The following IFT52 variants were observed in gnomAD, a reference collection of about 807,000 sequenced individuals.
The protein encoded by IFT52 is intraflagellar transport protein 52 homolog.
IFT52 carries 44 observed loss-of-function variants against 54.4 expected under a neutral mutation model. The observed-to-expected ratio is 0.81, with a 90% confidence interval of 0.63 to 1.04. The LOEUF is 1.04. IFT52 is among the 50% of genes least tolerant of loss of function. The pLI is 0.00. For synonymous variants in IFT52, 181 were observed against 185.3 expected, an observed-to-expected ratio of 0.98 and a Z score of 0.19; for missense variants, 452 against 523.6, an observed-to-expected ratio of 0.86 and a Z score of 1.33.
Position 43,636,026 on chromosome 20 carries a change from G to A in IFT52, c.1011+13G>A. 1.9e-6 allele frequency: 3 copies of A among 1,613,206 alleles called. No individual in the cohort carries two copies. The highest frequency in any genetic ancestry group is 1.7e-5 in the Admixed American group (1 of 60,014). ...CCTTCAGCCTGCGGTGAGTAGGTGTGCTTGGGAGATCCCACTGCAGAGCCC... is the reference window on the plus strand; with the variant it reads ...CCTTCAGCCTGCGGTGAGTAGGTGTACTTGGGAGATCCCACTGCAGAGCCC... On this transcript the variant is annotated intron_variant, in intron 11 of 13. Coordinates refer to ENST00000373030, the MANE Select transcript of IFT52 (RefSeq NM_016004.5).
chr20:43,604,519 T>C (rs766267723), intron 5 of IFT52, among the ~76,000 whole-genome samples: 2 of 152,078 alleles, frequency 1.3e-5, no homozygotes, highest in Non-Finnish European at 2.9e-5. Flanking sequence ...GAGGTTGCAT[T>C]GAGCTGAGAT....
intron 10 of IFT52, among the ~76,000 whole-genome samples, chr20:43,632,186 A>G (rs1985219031): frequency 6.6e-6 from 1 of 152,002 alleles, no homozygotes; most frequent in South Asian, 2.1e-4. Context: ...CGGCATCCCA[A>G]AGTGCTGGGA....
At chr20:43,594,353 C>T (rs994476952) in intron 1 of IFT52, among the ~76,000 whole-genome samples, 2 of 151,984 alleles carry the variant, frequency 1.3e-5, no homozygotes, top group African/African-American at 2.4e-5. Context: ...CTGCGCTTAA[C>T]AGTAGTTAGC....
At chr20:43,620,791 A>T in intron 8 of IFT52, 66 bp from the exon 9 acceptor site, 1 of 1,099,604 alleles carries the variant, frequency 9.1e-7, no homozygotes, top group Non-Finnish European at 1.4e-6. Flanking sequence ...TTAATTCTCT[A>T]GTCCTGACCT....
At chr20:43,604,724 T>G (rs1982721945) in intron 5 of IFT52, among the ~76,000 whole-genome samples, 1 of 152,178 alleles carries the variant, frequency 6.6e-6, no homozygotes, top group South Asian at 2.1e-4. Flanking sequence ...TTTTACTATA[T>G]TACTACTACT....
At chr20:43,609,955 A>AT (rs1157283841) in intron 6 of IFT52, among the ~76,000 whole-genome samples, 1 of 151,144 alleles carries the variant, frequency 6.6e-6, no homozygotes, top group African/African-American at 2.4e-5. Context: ...TCTTGAAAAA[A>AT]TAAAATAAAA....
At chr20:43,641,050 A>G (rs1481079247) in intron 12 of IFT52, among the ~76,000 whole-genome samples, 1 of 116,350 alleles carries the variant, frequency 8.6e-6, no homozygotes, top group Non-Finnish European at 1.9e-5. Context: ...AAAAAAAAAA[A>G]AAAAGGAAGA....
chr20:43,596,586 C>A, intron 3 of IFT52, 64 bp downstream of exon 3: 1 of 1,092,560 alleles, frequency 9.2e-7, no homozygotes. Context: ...TTTGAAATAC[C>A]GGATTTGAAT....
intron 3 of IFT52, among the ~76,000 whole-genome samples, chr20:43,597,239 C>T (rs779525046): frequency 5.9e-5 from 9 of 151,436 alleles, no homozygotes; most frequent in Non-Finnish European, 7.4e-5. Context: ...GGCGTGGTGG[C>T]GCATTCCTGT....
At chr20:43,627,618 G>A (rs1487473978) in intron 10 of IFT52, among the ~76,000 whole-genome samples, 1 of 152,202 alleles carries the variant, frequency 6.6e-6, no homozygotes, top group Non-Finnish European at 1.5e-5. Context: ...TATACTGGTG[G>A]GAATGTTCCA....
rs1056572111 is a variant in IFT52, at chr20:43,637,560, G to T, written c.1120+307G>T. 2.3e-4 allele frequency among the ~76,000 whole-genome samples: 35 copies of T among 152,180 alleles called. 1 individual carries two copies. Among genetic ancestry groups the T allele is most frequent in the Non-Finnish European group, 5.1e-4 (35 of 68,048 alleles). On this transcript the variant is annotated intron_variant, in intron 12 of 13. Transcript: ENST00000373030. Reference sequence around the variant, plus strand: ...TTACAGGCGTGAGCCACCATGCCTGGCCTAAGTTTGGCCAACTTTTAAACT... The same window carrying T: ...TTACAGGCGTGAGCCACCATGCCTGTCCTAAGTTTGGCCAACTTTTAAACT...
intron 1 of IFT52, among the ~76,000 whole-genome samples, chr20:43,592,592 C>T (rs1462942172): frequency 6.6e-6 from 1 of 151,360 alleles, no homozygotes; most frequent in African/African-American, 2.4e-5. Context: ...AAAATTACAT[C>T]ATGAAGTACT....
chr20:43,612,160 A>C (rs1213408081), intron 6 of IFT52, among the ~76,000 whole-genome samples: 1 of 152,104 alleles, frequency 6.6e-6, no homozygotes, highest in Non-Finnish European at 1.5e-5. Flanking sequence ...ATAGATGTGC[A>C]TTGACCTCCA....
chr20:43,596,062 G>A (rs917334673), intron 2 of IFT52, among the ~76,000 whole-genome samples: 3 of 152,198 alleles, frequency 2.0e-5, no homozygotes, highest in Admixed American at 6.5e-5. Flanking sequence ...CAGTACTAGG[G>A]AAAGGAAACA....
intron 12 of IFT52, chr20:43,642,220 A>G: frequency 2.8e-6 from 1 of 362,380 alleles, no homozygotes; most frequent in South Asian, 6.7e-5. Context: ...TAATGTAGGA[A>G]TACTAGATCT....
At chr20:43,604,505 AG>A (rs1160286100) in intron 5 of IFT52, among the ~76,000 whole-genome samples, 1 of 152,050 alleles carries the variant, frequency 6.6e-6, no homozygotes, top group African/African-American at 2.4e-5. Context: ...GAGCCCGGGA[AG>A]CAGAGGTTGC....
intron 6 of IFT52, among the ~76,000 whole-genome samples, chr20:43,610,169 G>C (rs907811702): frequency 6.6e-6 from 1 of 150,676 alleles, no homozygotes; most frequent in African/African-American, 2.4e-5. Context: ...GCACAAGCCT[G>C]TAATCCCAGT....
chr20:43,614,112 CTA>C (rs1983670298), intron 7 of IFT52, 136 bp downstream of exon 7: 1 of 758,576 alleles, frequency 1.3e-6, no homozygotes, highest in African/African-American at 1.8e-5. Flanking sequence ...AGCATTTCAG[CTA>C]TATACATTTT....
intron 10 of IFT52, among the ~76,000 whole-genome samples, chr20:43,631,922 G>T (rs1330488448): frequency 6.9e-6 from 1 of 144,262 alleles, no homozygotes; most frequent in African/African-American, 2.6e-5. Context: ...CCTCTGATTT[G>T]TCTTTTTTTT....
Sources: gnomAD v4.1 joint callset for allele counts (sites outside exome capture counted in the v4.1 genomes callset) on GRCh38, gnomAD v4.1.1 for gene constraint, MANE v1.5 for transcripts, NCBI Gene and HGNC (gene_info 2026-07-23, HGNC 2026-07-21) for gene names.